The following NFIA variants were observed in gnomAD, a reference collection of about 807,000 sequenced individuals.
NFIA encodes nuclear factor I A.
In NFIA, 8 loss-of-function variants were observed where a neutral mutation model predicts 62.8. That is an observed-to-expected ratio of 0.13 (90% CI 0.07 to 0.23). NFIA has a LOEUF of 0.23. Ranked by LOEUF, NFIA falls within the 10% of genes least tolerant of loss-of-function variation. The pLI is 1.00. For missense variants in NFIA, 410 were observed against 642.1 expected, an observed-to-expected ratio of 0.64 and a Z score of 3.91; for synonymous variants, 235 against 238.1, an observed-to-expected ratio of 0.99 and a Z score of 0.12.
At chr1:61,130,798 C>A (rs1647059370) in intron 2 of NFIA, among the ~76,000 whole-genome samples, 1 of 152,134 alleles carries the variant, frequency 6.6e-6, no homozygotes, top group Non-Finnish European at 1.5e-5. Context: ...GGACCAAGGT[C>A]AGGTTAGTTA....
At chr1:61,178,147 A>G (rs1650523328) in intron 2 of NFIA, among the ~76,000 whole-genome samples, 1 of 152,168 alleles carries the variant, frequency 6.6e-6, no homozygotes, top group African/African-American at 2.4e-5. Context: ...CAGCTGAGGT[A>G]CCTGTGGCAT....
intron 9 of NFIA, among the ~76,000 whole-genome samples, chr1:61,420,421 G>A (rs1032363656): frequency 1.3e-5 from 2 of 151,800 alleles, no homozygotes; most frequent in Non-Finnish European, 2.9e-5. Context: ...AAAGATTCGG[G>A]ACATTATTTC....
chr1:61,078,303 G>A (rs772115699), upstream of NFIA, among the ~76,000 whole-genome samples: 1 of 151,214 alleles, frequency 6.6e-6, no homozygotes, highest in Non-Finnish European at 1.5e-5. Flanking sequence ...TGCATGAATC[G>A]TGTGCCTTCT....
chr1:61,456,772 C>T lies in NFIA; in HGVS notation c.*1452C>T, dbSNP rs911336022. On this transcript the variant is annotated 3_prime_UTR_variant, in exon 11 of 11. Transcript: ENST00000403491. The stretch of plus-strand genomic sequence containing the variant: ...TTAGGGAAAAAAAAAAAAGTTTGCA[C>T]CCCCAAACGTCCTGTATCTTATGAA... 15 of 148,678 alleles carry T rather than the reference C, an allele frequency of 1.0e-4. No individual in the cohort carries two copies. The highest frequency in any genetic ancestry group is 1.5e-4 in the African/African-American group (6 of 40,624). The allele number at this position is 148,678 out of a possible 1,614,324, so 9.2% of individuals were successfully genotyped here.
intron 2 of NFIA, among the ~76,000 whole-genome samples, chr1:61,250,388 C>T (rs1655947296): frequency 6.6e-6 from 1 of 152,140 alleles, no homozygotes; most frequent in Non-Finnish European, 1.5e-5. Flanking sequence ...ACTTTTTGGC[C>T]TCTCTTTTTG....
rs537420200 is a variant in NFIA at position 61,421,576 on chromosome 1, A to G, written c.1421-4889A>G. Among the ~76,000 whole-genome samples, 14 of 152,216 alleles carry G rather than the reference A, an allele frequency of 9.2e-5. No individual in the cohort carries two copies. The East Asian group carries it at 2.5e-3, about 27-fold the overall frequency. On this transcript the variant is annotated intron_variant, in intron 9 of 10. Coordinates refer to ENST00000403491, the MANE Select transcript of NFIA (RefSeq NM_001134673.4). ...CATCGCTTCCTGCATCTGGAAGTAA[A>G]TTCAGAACCTCAAAGCTCACCCTGC...
At position 61,257,861 on chromosome 1, in the gene NFIA, G is replaced by GTT. The variant is rs58077067; in HGVS notation, c.560-19645_560-19644dup. Among the ~76,000 whole-genome samples, 891 of 126,360 alleles carry GTT rather than the reference G, an allele frequency of 7.1e-3. 5 individuals carry two copies. Among genetic ancestry groups the GTT allele is most frequent in the African/African-American group, 0.021 (724 of 33,812 alleles). 82.9% of individuals were successfully genotyped at this position (126,360 alleles called of 152,430 possible). On this transcript the variant is annotated intron_variant, in intron 2 of 10. Transcript: ENST00000403491. Reference sequence around the variant, plus strand: ...AGTAACTAGGACTACATGCTTAGCTGTTTTTTTTTTTTTTTCTTTTTTTCT... The same window carrying GTT: ...AGTAACTAGGACTACATGCTTAGCTGTTTTTTTTTTTTTTTTTCTTTTTTTCT...
intron 9 of NFIA, among the ~76,000 whole-genome samples, chr1:61,408,137 G>C (rs1053546723): frequency 6.6e-6 from 1 of 152,200 alleles, no homozygotes; most frequent in African/African-American, 2.4e-5. Flanking sequence ...ACTGTGCATA[G>C]ATTCTGTATC....
At chr1:61,159,262 A>G (rs1409421623) in intron 2 of NFIA, among the ~76,000 whole-genome samples, 1 of 151,984 alleles carries the variant, frequency 6.6e-6, no homozygotes, top group Non-Finnish European at 1.5e-5. Flanking sequence ...AACAAATCAA[A>G]AAGACACTTA....
intron 2 of NFIA, among the ~76,000 whole-genome samples, chr1:61,203,960 A>G (rs1411811135): frequency 6.6e-6 from 1 of 152,172 alleles, no homozygotes; most frequent in Admixed American, 6.5e-5. Context: ...GCAGATATTT[A>G]GGTGTGTGTA....
At chr1:61,341,896 A>G (rs1661939620) in intron 4 of NFIA, among the ~76,000 whole-genome samples, 1 of 152,206 alleles carries the variant, frequency 6.6e-6, no homozygotes, top group South Asian at 2.1e-4. Flanking sequence ...GTGACCTCCA[A>G]AGCTTGAGAG....
chr1:61,276,273 A>C (rs1231554214), intron 2 of NFIA, among the ~76,000 whole-genome samples: 2 of 152,344 alleles, frequency 1.3e-5, no homozygotes, highest in East Asian at 1.9e-4. Flanking sequence ...GTAATAAATT[A>C]GCATTTCTAG....
chr1:61,190,221 C>T (rs1156265779), intron 2 of NFIA, among the ~76,000 whole-genome samples: 1 of 152,158 alleles, frequency 6.6e-6, no homozygotes. Context: ...CTAGAGGCCA[C>T]GGTCTTAATG....
chr1:61,101,349 C>T (rs971450581), intron 2 of NFIA, among the ~76,000 whole-genome samples: 4 of 149,784 alleles, frequency 2.7e-5, no homozygotes, highest in African/African-American at 9.9e-5. Flanking sequence ...GAGCTGAGAT[C>T]GCGCCATTGC....
intron 10 of NFIA, among the ~76,000 whole-genome samples, chr1:61,441,454 A>G (rs546580300): frequency 4.5e-4 from 68 of 152,022 alleles, no homozygotes; most frequent in African/African-American, 1.6e-3. Context: ...ATTCCCATCT[A>G]CCTTCACAGG....
At chr1:61,397,531 A>T (rs559673275) in intron 7 of NFIA, among the ~76,000 whole-genome samples, 2 of 152,288 alleles carry the variant, frequency 1.3e-5, no homozygotes, top group South Asian at 4.1e-4. Context: ...TGCCTATCCC[A>T]TTCTTGTCTA....
At chr1:61,105,724 GAGA>G (rs1190612480) in intron 2 of NFIA, among the ~76,000 whole-genome samples, 1 of 151,790 alleles carries the variant, frequency 6.6e-6, no homozygotes, top group African/African-American at 2.4e-5. Flanking sequence ...TTGTATTTGA[GAGA>G]AGATTATTTC....
chr1:61,367,618 A>G (rs567601345), intron 6 of NFIA, among the ~76,000 whole-genome samples: 1 of 152,290 alleles, frequency 6.6e-6, no homozygotes, highest in African/African-American at 2.4e-5. Context: ...TCACCCAAAT[A>G]AGGGGTTATG....
At chr1:61,415,121 C>T (rs1666292715) in intron 9 of NFIA, among the ~76,000 whole-genome samples, 1 of 152,042 alleles carries the variant, frequency 6.6e-6, no homozygotes, top group Non-Finnish European at 1.5e-5. Flanking sequence ...GTATTTTAAT[C>T]TATGATAAGA....
Sources: gnomAD v4.1 joint callset for allele counts (sites outside exome capture counted in the v4.1 genomes callset) on GRCh38, gnomAD v4.1.1 for gene constraint, MANE v1.5 for transcripts, NCBI Gene and HGNC (gene_info 2026-07-23, HGNC 2026-07-21) for gene names.